The following AFP variants were observed in gnomAD, a reference collection of about 807,000 sequenced individuals.
AFP encodes the protein alpha fetoprotein.
Under a neutral mutation model 78.9 loss-of-function variants are expected in AFP, and 64 were observed. The observed-to-expected ratio is 0.81, with a 90% CI of 0.66 to 1.00. The LOEUF (loss-of-function observed/expected upper bound fraction) is 1.00. Among genes scored for constraint, AFP ranks in the 50% least tolerant of loss-of-function variants. The pLI is 0.00. For missense variants in AFP, 689 were observed against 703.8 expected, an observed-to-expected ratio of 0.98 and a Z score of 0.24; for synonymous variants, 254 against 243.8, an observed-to-expected ratio of 1.04 and a Z score of -0.39.
chr4:73,438,185 T>G lies in AFP; in HGVS notation c.149T>G (p.Phe50Cys). 1 of 1,613,390 alleles carries G rather than the reference T, an allele frequency of 6.2e-7. No homozygotes were observed. Among genetic ancestry groups the G allele is most frequent in the Non-Finnish European group, 8.5e-7 (1 of 1,179,456 alleles). The change falls in exon 3 of 15, where the codon TTT (phenylalanine) becomes TGT (cysteine). Residue 50 changes from phenylalanine to cysteine, a missense_variant. Physicochemically the swap from Phe to Cys is radical, Grantham distance 205. Transcript: ENST00000395792. ...EISLADLATI[F>C]FAQFVQEATY... ...TATTTTTGTTTCAGGGCTACCATAT[T>G]TTTTGCCCAGTTTGTTCAAGAAGCC...
intron 9 of AFP, 56 bp downstream of exon 9, chr4:73,449,523 TA>T: frequency 1.3e-6 from 2 of 1,597,682 alleles, no homozygotes; most frequent in Non-Finnish European, 1.7e-6. Context: ...TATCATCTGT[TA>T]AAAATGCTGT....
intron 11 of AFP, 94 bp from the exon 12 acceptor site, chr4:73,452,307 A>G (rs1720018558): frequency 1.1e-6 from 1 of 942,188 alleles, no homozygotes. Context: ...ATTGCTGGGC[A>G]TTAGAAATTA....
intron 4 of AFP, among the ~76,000 whole-genome samples, 184 bp downstream of exon 4, chr4:73,440,997 A>G (rs534058730): frequency 6.6e-6 from 1 of 152,302 alleles, no homozygotes; most frequent in South Asian, 2.1e-4. Flanking sequence ...CTTGGTTTCC[A>G]TAGCACGCTA....
chr4:73,442,363 C>T lies in AFP; in HGVS notation c.550C>T (p.Arg184Cys), dbSNP rs754454295. The change falls in exon 5 of 15, where the codon CGC becomes TGC. Residue 184 changes from arginine to cysteine, a missense_variant. Coordinates refer to ENST00000395792, the MANE Select transcript of AFP (RefSeq NM_001134.3). Reference protein sequence around the residue: ...YAPTILLWAARYDKIIPSCCK... With the variant: ...YAPTILLWAACYDKIIPSCCK... The stretch of plus-strand genomic sequence containing the variant: ...ACCTACAATTCTTCTTTGGGCTGCT[C>T]GCTATGACAAAATAATTCCATCTTG... 18 of 1,613,836 alleles carry T rather than the reference C, an allele frequency of 1.1e-5. No homozygotes were observed. The African/African-American group carries it at 1.6e-4, about 14-fold the overall frequency.
rs977198860 is a variant in AFP, at chr4:73,450,452, G to A, written c.1290-163G>A. On this transcript the variant is annotated intron_variant, in intron 10 of 14. Transcript: ENST00000395792. ...ATAGGAGTACAGGGAGTGGTTGTTA[G>A]AGTAAATGCATCTCAAAAGTTGGTT... The A allele has an allele frequency of 2.2e-5, 20 of 918,164 alleles. No individual in the cohort carries two copies. The South Asian group carries it at 2.9e-4, about 14-fold the overall frequency. 56.9% of individuals were successfully genotyped at this position (918,164 alleles called of 1,614,324 possible).
chr4:73,436,457 G>A, intron 1 of AFP, 110 bp downstream of exon 1: 4 of 650,006 alleles, frequency 6.2e-6, no homozygotes, highest in African/African-American at 1.9e-5. Flanking sequence ...ATTCCACATG[G>A]AGAAAAAATA....
chr4:73,440,984 T>A (rs1220919344), intron 4 of AFP, among the ~76,000 whole-genome samples, 171 bp downstream of exon 4: 1 of 152,212 alleles, frequency 6.6e-6, no homozygotes, highest in Admixed American at 6.5e-5. Context: ...ACATTCAATG[T>A]AACTTGGTTT....
chr4:73,454,403 AG>A (rs1560398888), intron 13 of AFP, among the ~76,000 whole-genome samples: 1 of 152,076 alleles, frequency 6.6e-6, no homozygotes, highest in African/African-American at 2.4e-5. Flanking sequence ...TTCTTTAACC[AG>A]GGGATTCTAC....
At chr4:73,439,069 G>A (rs959118084) in intron 3 of AFP, among the ~76,000 whole-genome samples, 5 of 152,042 alleles carry the variant, frequency 3.3e-5, no homozygotes, top group African/African-American at 1.2e-4. Flanking sequence ...GGGTTGCCAG[G>A]TTTAGCAAAC....
chr4:73,455,088 A>G, intron 13 of AFP, 148 bp from the exon 14 acceptor site: 1 of 656,810 alleles, frequency 1.5e-6, no homozygotes, highest in Admixed American at 2.5e-5. Context: ...TTACTATCCC[A>G]GGTTGTTGGC....
chr4:73,454,065 T>A (rs1251607180), intron 13 of AFP, among the ~76,000 whole-genome samples, 168 bp downstream of exon 13: 3 of 151,822 alleles, frequency 2.0e-5, no homozygotes, highest in Non-Finnish European at 2.9e-5. Context: ...ATAATCACAT[T>A]TTCTTGCTTA....
rs1720036375 is a variant in AFP at position 73,452,635 on chromosome 4, GTTAC to G, written c.1652+14_1652+17del. ...AACAATGAAGCAAGAGTAAGAAACT[GTTAC>G]TTGCTAGCATGGAAAAGAATGACAA... On this transcript the variant is annotated intron_variant, in intron 12 of 14. Coordinates refer to ENST00000395792, the MANE Select transcript of AFP (RefSeq NM_001134.3). 6.3e-7 allele frequency: 1 copy of G among 1,587,122 alleles called. No individual in the cohort carries two copies. The highest frequency in any genetic ancestry group is 8.6e-7 in the Non-Finnish European group (1 of 1,156,476).
intron 4 of AFP, among the ~76,000 whole-genome samples, chr4:73,441,410 CAA>C (rs1311141615): frequency 5.1e-4 from 77 of 150,468 alleles, no homozygotes; most frequent in African/African-American, 1.8e-3. Context: ...ACTAAAAATA[CAA>C]AAAAAATTAG....
At chr4:73,453,650 T>C in intron 12 of AFP, 115 bp from the exon 13 acceptor site, 1 of 1,214,212 alleles carries the variant, frequency 8.2e-7, no homozygotes, top group South Asian at 1.3e-5. Context: ...GTCAGTCTGG[T>C]GATAGGTTGA....
intron 2 of AFP, among the ~76,000 whole-genome samples, 166 bp from the exon 3 acceptor site, chr4:73,438,007 CT>C (rs1719557383): frequency 6.6e-6 from 1 of 152,020 alleles, no homozygotes; most frequent in Admixed American, 6.5e-5. Context: ...ACTAAAGTTT[CT>C]TCTCAGATGA....
intron 3 of AFP, among the ~76,000 whole-genome samples, chr4:73,438,994 T>C (rs902123119): frequency 6.6e-6 from 1 of 152,142 alleles, no homozygotes; most frequent in Non-Finnish European, 1.5e-5. Context: ...GGCTTAAAAT[T>C]GACAGTCTTA....
rs1303871279 is a variant in AFP at position 73,455,717 on chromosome 4, A to C, written c.*97A>C. 1 of 688,264 alleles carries C rather than the reference A, an allele frequency of 1.5e-6. No homozygotes were observed. The highest frequency in any genetic ancestry group is 2.6e-6 in the Non-Finnish European group (1 of 380,864). The allele number at this position is 688,264 out of a possible 1,614,324, so 42.6% of individuals were successfully genotyped here. On this transcript the variant is annotated 3_prime_UTR_variant, in exon 15 of 15. Coordinates refer to ENST00000395792, the MANE Select transcript of AFP (RefSeq NM_001134.3). ...ATTTAACACTTTTTGTGAATTAATG[A>C]AATGATAAAGACTTTTATGTGAGAT...
chr4:73,450,573 T>C (rs1719962365), intron 10 of AFP, 42 bp from the exon 11 acceptor site: 1 of 1,613,814 alleles, frequency 6.2e-7, no homozygotes, highest in Non-Finnish European at 8.5e-7. Context: ...TAAAAACTCA[T>C]GAATGACTCA....
Position 73,450,132 on chromosome 4 carries a change from G to T in AFP, c.1288G>T (p.Ala430Ser). Residue 430 changes from alanine (A) to serine (S), a missense_variant and splice_region_variant, in exon 10 of 15, where the codon GCG becomes TCG. Coordinates refer to ENST00000395792, the MANE Select transcript of AFP (RefSeq NM_001134.3). The stretch of plus-strand genomic sequence containing the variant: ...ACTAGGAGAATATTACTTACAAAAT[G>T]CGTATGTTTTTGTAAACAGTATTTT... Reference protein sequence around the residue: ...QKLGEYYLQNAFLVAYTKKAP... With the variant: ...QKLGEYYLQNSFLVAYTKKAP... 1.2e-6 allele frequency: 2 copies of T among 1,604,712 alleles called. No homozygotes were observed. Among genetic ancestry groups the T allele is most frequent in the Non-Finnish European group, 1.7e-6 (2 of 1,172,050 alleles).
Sources: allele counts gnomAD v4.1 joint callset (sites outside exome capture counted in the v4.1 genomes callset), GRCh38; gene constraint gnomAD v4.1.1; transcripts MANE v1.5; gene names NCBI Gene and HGNC (gene_info 2026-07-23, HGNC 2026-07-21).